LUZP2: variants seen among roughly 807,000 people sequenced by gnomAD.
LUZP2 encodes the protein leucine zipper protein 2.
LUZP2 carries 52 observed loss-of-function variants against 51.6 expected under a neutral mutation model. That is an observed-to-expected ratio of 1.01 (90% confidence interval 0.81 to 1.27). The LOEUF (loss-of-function observed/expected upper bound fraction) is 1.27. Ranked by LOEUF, LUZP2 falls within the 50% of genes most tolerant of loss-of-function variation. LUZP2 has a pLI of 0.00. For synonymous variants in LUZP2, 154 were observed against 137.3 expected (o/e 1.12, Z -0.85); for missense variants, 436 against 395.4 (o/e 1.10, Z -0.87).
At chr11:24,910,950 G>A (rs889514236) in intron 6 of LUZP2, among the ~76,000 whole-genome samples, 1 of 152,156 alleles carries the variant, frequency 6.6e-6, no homozygotes, top group Non-Finnish European at 1.5e-5. Flanking sequence ...CAAATCCACA[G>A]GGTGCAGCTG....
chr11:24,807,403 A>G (rs11028185), intron 5 of LUZP2, among the ~76,000 whole-genome samples: 2,525 of 151,302 alleles, frequency 0.017, 75 homozygotes, highest in African/African-American at 0.058. Context: ...GGAGGTTGCA[A>G]TGAACTGAGA....
chr11:24,609,219 C>T (rs1854035760), intron 1 of LUZP2, among the ~76,000 whole-genome samples: 1 of 152,066 alleles, frequency 6.6e-6, no homozygotes, highest in Admixed American at 6.6e-5. Flanking sequence ...GCTACCTTAC[C>T]AGCCTACTGC....
At chr11:24,525,601 G>T (rs1433353957) in intron 1 of LUZP2, among the ~76,000 whole-genome samples, 1 of 151,324 alleles carries the variant, frequency 6.6e-6, no homozygotes, top group Non-Finnish European at 1.5e-5. Context: ...TGATGTTAGT[G>T]AAACCAGGGA....
chr11:24,623,062 G>A (rs567342986), intron 1 of LUZP2, among the ~76,000 whole-genome samples: 1 of 152,036 alleles, frequency 6.6e-6, no homozygotes, highest in East Asian at 1.9e-4. Context: ...GCTTCGTACT[G>A]TAAATGTGCT....
rs932974839 is a variant in LUZP2 at position 24,950,644 on chromosome 11, C to A, written c.523-25947C>A. On this transcript the variant is annotated intron_variant, in intron 7 of 11. Coordinates refer to ENST00000336930, the MANE Select transcript of LUZP2 (RefSeq NM_001009909.4). ...CAGCTAATGAATTGCATTATAAAGA[C>A]CATTTTTTGCTGAAACCAAAGTTAT... Among the ~76,000 whole-genome samples, 3 of 151,510 alleles carry A rather than the reference C, an allele frequency of 2.0e-5. No homozygotes were observed. The East Asian group carries it at 5.8e-4, about 29-fold the overall frequency.
rs745443393 is a variant in LUZP2, at chr11:25,078,559, G to A, written c.942G>A (p.Leu314=). ...TTTTCTGTATTGTTTAACAGAAATT[G>A]CAAATGCCTCCTTGCTCTGAATGTG... The part of the protein sequence containing the change: ...TAETEPIPQK[L]QMPPCSECEV... The change falls in exon 12 of 12, where the codon TTG becomes TTA. Residue 314 remains leucine (L), a synonymous_variant. Transcript: ENST00000336930. 2 of 1,610,640 alleles carry A rather than the reference G, an allele frequency of 1.2e-6. No individual in the cohort carries two copies. The highest frequency in any genetic ancestry group is 2.2e-5 in the South Asian group (2 of 90,226).
At chr11:24,655,076 C>A (rs1405788097) in intron 1 of LUZP2, among the ~76,000 whole-genome samples, 1 of 152,054 alleles carries the variant, frequency 6.6e-6, no homozygotes, top group Non-Finnish European at 1.5e-5. Context: ...GTTTATGATT[C>A]ATCTGGACAT....
rs372203522 is a variant in LUZP2, at chr11:24,497,282, G to C, written c.39G>C (p.Leu13=). Residue 13 remains leucine (L), a synonymous_variant, in exon 1 of 12, where the codon CTG becomes CTC. Transcript: ENST00000336930. ...CAGCGCACTACCTGCTGCCTCTCCT[G>C]CCTGCGCTGGTCCTCAGCACCAGGT... ...FSPAHYLLPL[L]PALVLSTRQD... 1.0e-5 allele frequency: 16 copies of C among 1,566,844 alleles called. No individual in the cohort carries two copies. The African/African-American group carries it at 2.1e-4, about 20-fold the overall frequency.
chr11:25,018,141 C>T (rs1857217296), intron 9 of LUZP2, among the ~76,000 whole-genome samples: 1 of 151,092 alleles, frequency 6.6e-6, no homozygotes, highest in Non-Finnish European at 1.5e-5. Flanking sequence ...GGCATTGCTA[C>T]TGATTTGTGT....
chr11:24,780,817 T>C (rs964123173), intron 5 of LUZP2, among the ~76,000 whole-genome samples: 1 of 152,188 alleles, frequency 6.6e-6, no homozygotes, highest in African/African-American at 2.4e-5. Flanking sequence ...ATCTTCATCA[T>C]ATAATATTGG....
At chr11:24,689,120 G>A (rs1372429820) in intron 1 of LUZP2, among the ~76,000 whole-genome samples, 6 of 152,090 alleles carry the variant, frequency 3.9e-5, no homozygotes, top group African/African-American at 1.4e-4. Flanking sequence ...ATGAAAGGAA[G>A]TAAAGTACAC....
chr11:25,030,622 A>G (rs1459167737), intron 9 of LUZP2, among the ~76,000 whole-genome samples: 1 of 151,698 alleles, frequency 6.6e-6, no homozygotes, highest in Non-Finnish European at 1.5e-5. Flanking sequence ...CTGATCTGCT[A>G]TAGCATTGTA....
At chr11:24,640,147 T>C (rs1855231143) in intron 1 of LUZP2, among the ~76,000 whole-genome samples, 1 of 151,892 alleles carries the variant, frequency 6.6e-6, no homozygotes, top group African/African-American at 2.4e-5. Flanking sequence ...AAAACAACTC[T>C]GGGTTGTAAG....
chr11:24,869,719 G>C (rs930890035), intron 5 of LUZP2, among the ~76,000 whole-genome samples: 1 of 152,100 alleles, frequency 6.6e-6, no homozygotes, highest in Non-Finnish European at 1.5e-5. Flanking sequence ...AATAAATAAT[G>C]TTGTCTGTGA....
intron 10 of LUZP2, among the ~76,000 whole-genome samples, chr11:25,067,905 G>C (rs1859043401): frequency 6.6e-6 from 1 of 152,004 alleles, no homozygotes. Flanking sequence ...GCAAAGTCTT[G>C]GAACCAATCC....
intron 1 of LUZP2, among the ~76,000 whole-genome samples, chr11:24,692,090 C>T (rs778195392): frequency 3.0e-4 from 45 of 151,420 alleles, no homozygotes; most frequent in Non-Finnish European, 3.7e-4. Context: ...TGGCATTTTA[C>T]GTTTTTTTTT....
chr11:24,499,282 G>T (rs1275291733), intron 1 of LUZP2, among the ~76,000 whole-genome samples: 3 of 152,116 alleles, frequency 2.0e-5, no homozygotes, highest in African/African-American at 7.2e-5. Context: ...TCATTTTACT[G>T]GATACCCAGA....
chr11:24,693,722 G>A (rs1227203930), intron 1 of LUZP2, among the ~76,000 whole-genome samples: 1 of 151,962 alleles, frequency 6.6e-6, no homozygotes, highest in Non-Finnish European at 1.5e-5. Context: ...CCAAAGAAAA[G>A]CAGAGACAAA....
At chr11:24,862,017 A>T (rs1219343725) in intron 5 of LUZP2, among the ~76,000 whole-genome samples, 5 of 152,156 alleles carry the variant, frequency 3.3e-5, no homozygotes, top group African/African-American at 9.7e-5. Context: ...AGCTATGCAG[A>T]GGCTTCTGAC....
Sources: gnomAD v4.1 joint callset for allele counts (sites outside exome capture counted in the v4.1 genomes callset) on GRCh38, gnomAD v4.1.1 for gene constraint, MANE v1.5 for transcripts, NCBI Gene and HGNC (gene_info 2026-07-23, HGNC 2026-07-21) for gene names.